GRHL2: variants seen among roughly 807,000 people sequenced by gnomAD.
The protein encoded by GRHL2 is grainyhead like transcription factor 2.
Under a neutral mutation model 83.8 loss-of-function variants are expected in GRHL2, and 21 were observed. The ratio of observed to expected loss-of-function variants is 0.25; its 90% CI spans 0.18 to 0.36. GRHL2 has a LOEUF of 0.36. GRHL2 is among the 10% of genes least tolerant of loss of function. The pLI, the probability that GRHL2 is intolerant of heterozygous loss-of-function variation, is 1.00. For synonymous variants in GRHL2, 280 were observed against 278.9 expected, an observed-to-expected ratio of 1.00 and a Z score of -0.04; for missense variants, 623 against 781.8, an observed-to-expected ratio of 0.80 and a Z score of 2.42.
chr8:101,570,501 A>G, intron 5 of GRHL2, 107 bp downstream of exon 5: 1 of 926,346 alleles, frequency 1.1e-6, no homozygotes, highest in Non-Finnish European at 1.8e-6. Context: ...CTTGTACAGA[A>G]CAGTGTGATT....
chr8:101,629,413 G>A (rs1158036647), intron 9 of GRHL2, among the ~76,000 whole-genome samples: 1 of 151,544 alleles, frequency 6.6e-6, no homozygotes, highest in African/African-American at 2.4e-5. Context: ...ACCTCTCTAT[G>A]CACTGGGGAA....
intron 12 of GRHL2, 70 bp from the exon 13 acceptor site, chr8:101,644,061 G>A: frequency 7.7e-7 from 1 of 1,300,498 alleles, no homozygotes; most frequent in Admixed American, 1.7e-5. Flanking sequence ...GACAGAAACG[G>A]ACACACATGT....
chr8:101,504,767 C>T (rs894790332), intron 1 of GRHL2, among the ~76,000 whole-genome samples: 3 of 151,954 alleles, frequency 2.0e-5, no homozygotes, highest in African/African-American at 7.2e-5. Context: ...CATGCCAGAC[C>T]AGCTTGGGTC....
intron 1 of GRHL2, among the ~76,000 whole-genome samples, chr8:101,540,729 G>T (rs1464181594): frequency 6.6e-6 from 1 of 152,124 alleles, no homozygotes; most frequent in Non-Finnish European, 1.5e-5. Context: ...AGTGAGCTGA[G>T]GAACCATCTA....
downstream of GRHL2, among the ~76,000 whole-genome samples, chr8:101,671,118 TATTTCC>T (rs1468092372): frequency 1.3e-5 from 2 of 152,154 alleles, no homozygotes; most frequent in Non-Finnish European, 2.9e-5. Context: ...TTGATTTCTG[TATTTCC>T]ATCTGAGGTA....
chr8:101,525,956 ACT>A (rs982375449), intron 1 of GRHL2, among the ~76,000 whole-genome samples: 26 of 152,282 alleles, frequency 1.7e-4, no homozygotes, highest in African/African-American at 6.0e-4. Flanking sequence ...AGAGAGCAAG[ACT>A]CTGTTTCAGA....
intron 8 of GRHL2, among the ~76,000 whole-genome samples, chr8:101,608,432 C>T (rs1323384476): frequency 6.6e-6 from 1 of 152,088 alleles, no homozygotes; most frequent in African/African-American, 2.4e-5. Flanking sequence ...GGTGGAGGGT[C>T]CTGAACAAAC....
At chr8:101,660,472 T>C (rs1173930817) in intron 14 of GRHL2, among the ~76,000 whole-genome samples, 1 of 152,158 alleles carries the variant, frequency 6.6e-6, no homozygotes, top group Admixed American at 6.6e-5. Flanking sequence ...TCTTTATCTT[T>C]CTCTTTATTT....
At chr8:101,649,856 G>A (rs551220580) in intron 14 of GRHL2, among the ~76,000 whole-genome samples, 3 of 152,198 alleles carry the variant, frequency 2.0e-5, no homozygotes, top group South Asian at 2.1e-4. Context: ...TTCACTGGCC[G>A]TGATGGTGTA....
At chr8:101,629,883 A>G (rs574321166) in intron 9 of GRHL2, among the ~76,000 whole-genome samples, 1 of 152,232 alleles carries the variant, frequency 6.6e-6, no homozygotes, top group Admixed American at 6.5e-5. Flanking sequence ...ATATATCATG[A>G]AGAGACTTCC....
At chr8:101,661,255 T>C (rs4339613) in intron 14 of GRHL2, among the ~76,000 whole-genome samples, 2,838 of 152,334 alleles carry the variant, frequency 0.019, 88 homozygotes, top group South Asian at 0.11. Context: ...ACCTCTGCTA[T>C]ATATACTCAA....
At chr8:101,534,003 A>G (rs1253570016) in intron 1 of GRHL2, among the ~76,000 whole-genome samples, 1 of 152,150 alleles carries the variant, frequency 6.6e-6, no homozygotes, top group Non-Finnish European at 1.5e-5. Context: ...AGAGGGCATG[A>G]TGTGATTTTG....
intron 7 of GRHL2, among the ~76,000 whole-genome samples, chr8:101,587,418 A>G (rs541552044): frequency 6.6e-6 from 1 of 152,230 alleles, no homozygotes; most frequent in Non-Finnish European, 1.5e-5. Context: ...ACACACACAC[A>G]TACTCACACG....
At position 101,616,913 on chromosome 8, in the gene GRHL2, T is replaced by C. The variant is rs569723787; in HGVS notation, c.1099-2626T>C. Among the ~76,000 whole-genome samples the C allele has an allele frequency of 1.2e-4, 18 of 152,334 alleles. 1 individual carries two copies. The South Asian group carries it at 1.9e-3, about 16-fold the overall frequency. On this transcript the variant is annotated intron_variant, in intron 8 of 15. Coordinates refer to ENST00000646743, the MANE Select transcript of GRHL2 (RefSeq NM_024915.4). Reference sequence around the variant, plus strand: ...GGAAATGAATGTATTGGCAGTTAGATCATCTTTTTTTAAAAGCAACTTTTA... The same window carrying C: ...GGAAATGAATGTATTGGCAGTTAGACCATCTTTTTTTAAAAGCAACTTTTA...
chr8:101,577,566 G>T (rs770027359), intron 7 of GRHL2, 47 bp downstream of exon 7: 1 of 1,298,482 alleles, frequency 7.7e-7, no homozygotes, highest in South Asian at 1.2e-5. Flanking sequence ...AAACTGACAT[G>T]TTGTCTCAAT....
At chr8:101,672,023 G>C (rs927366499), downstream of GRHL2, among the ~76,000 whole-genome samples, 2 of 151,880 alleles carry the variant, frequency 1.3e-5, no homozygotes, top group African/African-American at 2.4e-5. Context: ...CTAACAAACA[G>C]AAAGGACATC....
intron 7 of GRHL2, among the ~76,000 whole-genome samples, chr8:101,595,155 AG>A (rs1471547452): frequency 1.3e-5 from 2 of 152,326 alleles, no homozygotes; most frequent in African/African-American, 4.8e-5. Context: ...TGGCACATAG[AG>A]GGCTCACAGT....
At chr8:101,528,688 C>A in intron 1 of GRHL2, 1 of 223,402 alleles carries the variant, frequency 4.5e-6, no homozygotes, top group Non-Finnish European at 9.3e-6. Flanking sequence ...GCGCGAGGCT[C>A]TTTTCCTATT....
intron 1 of GRHL2, among the ~76,000 whole-genome samples, chr8:101,501,400 T>G (rs369592964): frequency 7.2e-5 from 11 of 152,172 alleles, no homozygotes; most frequent in African/African-American, 2.7e-4. Flanking sequence ...AATATACAAA[T>G]ATAACTAACC....
Sources: allele counts gnomAD v4.1 joint callset (sites outside exome capture counted in the v4.1 genomes callset), GRCh38; gene constraint gnomAD v4.1.1; transcripts MANE v1.5; gene names NCBI Gene and HGNC (gene_info 2026-07-23, HGNC 2026-07-21).